Variants in PRKCH observed in about 807,000 individuals in gnomAD.
The protein encoded by PRKCH is protein kinase C eta.
PRKCH carries 28 observed loss-of-function variants against 82.5 expected under a neutral mutation model. That is an observed-to-expected ratio of 0.34 (90% CI 0.25 to 0.47). The LOEUF is 0.47. PRKCH is among the 20% of genes least tolerant of loss of function. The pLI is 1.00. For synonymous variants in PRKCH, 322 were observed against 327.4 expected, an observed-to-expected ratio of 0.98 and a Z score of 0.18; for missense variants, 705 against 881.8, an observed-to-expected ratio of 0.80 and a Z score of 2.54.
intron 9 of PRKCH, among the ~76,000 whole-genome samples, chr14:61,471,035 A>G (rs1363986454): frequency 2.0e-5 from 3 of 152,164 alleles, no homozygotes; most frequent in Non-Finnish European, 2.9e-5. Flanking sequence ...ACCTTCTACA[A>G]TCATATCTAC....
intron 1 of PRKCH, among the ~76,000 whole-genome samples, chr14:61,236,658 G>T (rs1288547562): frequency 7.6e-6 from 1 of 132,368 alleles, no homozygotes; most frequent in Middle Eastern, 5.6e-3. Flanking sequence ...AGCGAGCTGA[G>T]ATCACGCCAC....
chr14:61,511,188 T>A (rs1454186678), intron 10 of PRKCH, among the ~76,000 whole-genome samples: 1 of 152,202 alleles, frequency 6.6e-6, no homozygotes, highest in Non-Finnish European at 1.5e-5. Context: ...CGGTGAGTTT[T>A]CCTTGGCACT....
At chr14:61,213,263 A>C (rs2044595478) in intron 1 of PRKCH, among the ~76,000 whole-genome samples, 1 of 152,208 alleles carries the variant, frequency 6.6e-6, no homozygotes, top group South Asian at 2.1e-4. Context: ...AGCAGAAATC[A>C]CAAAGTCAAG....
In PRKCH at chr14:61,339,621, C is replaced by CT. The variant is rs1471980044; in HGVS notation, c.363+17157_363+17158insT. 5.7e-3 allele frequency among the ~76,000 whole-genome samples: 538 copies of CT among 94,528 alleles called. 4 individuals are homozygous for CT. Among genetic ancestry groups the CT allele is most frequent in the Middle Eastern group, 0.026 (4 of 154 alleles). The allele number at this position is 94,528 out of a possible 152,430, so 62.0% of individuals were successfully genotyped here. A position where few individuals can be genotyped will look rare whatever the true frequency, so the allele number is the denominator to read the frequency against. On this transcript the variant is annotated intron_variant, in intron 1 of 13. Coordinates refer to ENST00000332981, the MANE Select transcript of PRKCH (RefSeq NM_006255.5). Reference sequence around the variant, plus strand: ...TACAGGCGTGAGCCACCAAGCCCGGCCTTTTTTTTTTTTTTTTTTTTTTTT... The same window carrying CT: ...TACAGGCGTGAGCCACCAAGCCCGGCTCTTTTTTTTTTTTTTTTTTTTTTTT...
At chr14:61,328,364 G>C (rs923374371) in intron 1 of PRKCH, among the ~76,000 whole-genome samples, 1 of 127,742 alleles carries the variant, frequency 7.8e-6, no homozygotes, top group Non-Finnish European at 1.7e-5. Flanking sequence ...CTGCTCTTAC[G>C]TCATTTTAAA....
chr14:61,385,720 A>G (rs1309082020), intron 1 of PRKCH, among the ~76,000 whole-genome samples: 1 of 152,212 alleles, frequency 6.6e-6, no homozygotes, highest in East Asian at 1.9e-4. Flanking sequence ...CATGTCCTAC[A>G]TGAAGTTGCT....
intron 2 of PRKCH, among the ~76,000 whole-genome samples, chr14:61,416,208 A>G (rs993943532): frequency 3.3e-5 from 5 of 151,132 alleles, no homozygotes; most frequent in Admixed American, 1.3e-4. Context: ...GGTGTGCACC[A>G]CCAAGCCCAG....
At chr14:61,198,533 G>T (rs1338495775) in intron 1 of PRKCH, among the ~76,000 whole-genome samples, 4 of 152,142 alleles carry the variant, frequency 2.6e-5, no homozygotes, top group African/African-American at 9.7e-5. Flanking sequence ...CTATAATAGT[G>T]TATATTATAT....
In PRKCH at chr14:61,450,827, T is replaced by C. The variant is rs1884473595; in HGVS notation, c.703-15T>C. ...TGACATTTTAGCTCTTGTCCCTTTA[T>C]TTCCTTTTTTACAGATTGCAGAACA... On this transcript the variant is annotated splice_polypyrimidine_tract_variant and intron_variant, in intron 5 of 13. Coordinates refer to ENST00000332981, the MANE Select transcript of PRKCH (RefSeq NM_006255.5). 4 of 1,611,190 alleles carry C rather than the reference T, an allele frequency of 2.5e-6. No homozygotes were observed. The African/African-American group carries it at 5.4e-5, about 22-fold the overall frequency.
At chr14:61,259,878 G>T (rs1456207298) in intron 1 of PRKCH, among the ~76,000 whole-genome samples, 1 of 152,154 alleles carries the variant, frequency 6.6e-6, no homozygotes, top group Non-Finnish European at 1.5e-5. Context: ...ATCTGTTAAA[G>T]ATGATGTGAG....
chr14:61,328,244 G>A (rs1056453993), intron 1 of PRKCH, among the ~76,000 whole-genome samples: 7 of 112,186 alleles, frequency 6.2e-5, no homozygotes, highest in Admixed American at 1.2e-4. Flanking sequence ...GCAACAGAGC[G>A]AGACTCCGTC....
chr14:61,379,764 C>T (rs931502478), intron 1 of PRKCH, among the ~76,000 whole-genome samples: 3 of 152,180 alleles, frequency 2.0e-5, no homozygotes, highest in African/African-American at 7.2e-5. Context: ...AGTATATTCC[C>T]CATCTCCAGC....
intron 1 of PRKCH, among the ~76,000 whole-genome samples, chr14:61,207,478 A>G (rs1342178996): frequency 6.6e-6 from 1 of 152,188 alleles, no homozygotes; most frequent in African/African-American, 2.4e-5. Context: ...TTTTCTGCCC[A>G]TACCACCCAA....
intron 1 of PRKCH, among the ~76,000 whole-genome samples, chr14:61,294,807 T>C (rs1229964265): frequency 6.6e-6 from 1 of 152,022 alleles, no homozygotes; most frequent in African/African-American, 2.4e-5. Context: ...AAAATATCAG[T>C]ATATATCTCT....
chr14:61,385,968 C>A (rs995285997), intron 1 of PRKCH, among the ~76,000 whole-genome samples: 1 of 152,124 alleles, frequency 6.6e-6, no homozygotes, highest in East Asian at 1.9e-4. Flanking sequence ...AGGAGTTGGA[C>A]AAGTATAAAA....
intron 10 of PRKCH, among the ~76,000 whole-genome samples, chr14:61,522,062 A>G (rs1227897591): frequency 6.6e-6 from 1 of 152,140 alleles, no homozygotes; most frequent in Non-Finnish European, 1.5e-5. Context: ...CTCCACCTGT[A>G]TGTCTAAAAA....
chr14:61,267,896 G>A (rs949099943), intron 1 of PRKCH, among the ~76,000 whole-genome samples: 1 of 151,972 alleles, frequency 6.6e-6, no homozygotes. Context: ...TACATTTTTT[G>A]CACTTTATCC....
intron 1 of PRKCH, among the ~76,000 whole-genome samples, chr14:61,242,982 T>C (rs2044852324): frequency 6.6e-6 from 1 of 152,120 alleles, no homozygotes; most frequent in African/African-American, 2.4e-5. Flanking sequence ...AGACAGTGAA[T>C]AAATAAATAC....
intron 9 of PRKCH, among the ~76,000 whole-genome samples, chr14:61,477,918 T>C (rs1239527991): frequency 2.0e-5 from 3 of 152,182 alleles, no homozygotes; most frequent in Non-Finnish European, 4.4e-5. Context: ...GTTTCATTCC[T>C]GTCCACTTGT....
Sources: gnomAD v4.1 joint callset for allele counts (sites outside exome capture counted in the v4.1 genomes callset) on GRCh38, gnomAD v4.1.1 for gene constraint, MANE v1.5 for transcripts, NCBI Gene and HGNC (gene_info 2026-07-23, HGNC 2026-07-21) for gene names.